FANCA: variants seen among roughly 807,000 people sequenced by gnomAD.
The protein encoded by FANCA is FA complementation group A, also known as Fanconi anemia group A protein.
FANCA carries 236 observed loss-of-function variants against 194.3 expected under a neutral mutation model. That is an observed-to-expected ratio of 1.21 (90% CI 1.09 to 1.35). The LOEUF (loss-of-function observed/expected upper bound fraction) is 1.35, where lower values mean the gene tolerates loss of function less well. FANCA is among the 40% of genes most tolerant of loss of function. FANCA has a pLI of 0.00. For missense variants in FANCA, 2,628 were observed against 1,813.9 expected (o/e 1.45, Z -8.15); for synonymous variants, 1,014 against 715.8 (o/e 1.42, Z -6.65).
At chr16:89,770,812 A>G (rs1360617657) in intron 23 of FANCA, among the ~76,000 whole-genome samples, 178 bp from the exon 24 acceptor site, 3 of 152,140 alleles carry the variant, frequency 2.0e-5, no homozygotes, top group African/African-American at 4.8e-5. Flanking sequence ...CCATTCCCCA[A>G]TCTTGGGAAT....
chr16:89,762,927 CCT>C (rs2039000764), intron 28 of FANCA: 1 of 191,434 alleles, frequency 5.2e-6, no homozygotes, highest in African/African-American at 2.4e-5. Context: ...ACGGTGAAAC[CCT>C]GTTTCTACTA....
At chr16:89,792,424 C>A (rs762109843) in intron 12 of FANCA, 47 bp downstream of exon 12, 1 of 1,571,180 alleles carries the variant, frequency 6.4e-7, no homozygotes, top group Non-Finnish European at 8.8e-7. Flanking sequence ...AGATCTTAAT[C>A]CCCCCGCCAC....
chr16:89,766,027 C>T (rs571389211), intron 27 of FANCA, among the ~76,000 whole-genome samples: 10 of 150,940 alleles, frequency 6.6e-5, no homozygotes, highest in African/African-American at 9.7e-5. Context: ...GGTGGAGTCT[C>T]GCTCTGTTGC....
At chr16:89,742,572 G>A (rs978846931) in intron 37 of FANCA, among the ~76,000 whole-genome samples, 1 of 151,306 alleles carries the variant, frequency 6.6e-6, no homozygotes, top group South Asian at 2.1e-4. Context: ...CACTTTGGGA[G>A]GCCAAGGCGG....
chr16:89,770,141 TG>T (rs1212165184), intron 25 of FANCA, 24 bp downstream of exon 25: 12 of 1,572,040 alleles, frequency 7.6e-6, no homozygotes, highest in Non-Finnish European at 1.0e-5. Context: ...CCCCCAAGGG[TG>T]GCCCCCATGA....
chr16:89,764,234 A>G (rs562441020), intron 28 of FANCA, among the ~76,000 whole-genome samples: 39 of 152,350 alleles, frequency 2.6e-4, no homozygotes, highest in Middle Eastern at 3.4e-3. Context: ...CTCAAAAAAT[A>G]TATCAGTAAA....
At chr16:89,748,512 T>A in intron 33 of FANCA, 147 bp downstream of exon 33, 1 of 735,916 alleles carries the variant, frequency 1.4e-6, no homozygotes, top group South Asian at 1.5e-5. Context: ...CTCCCTCACA[T>A]GGCATTCCAG....
At chr16:89,739,703 T>A in intron 39 of FANCA, 150 bp from the exon 40 acceptor site, 2 of 1,511,972 alleles carry the variant, frequency 1.3e-6, no homozygotes, top group East Asian at 4.9e-5. Flanking sequence ...GATACCCAGG[T>A]ACCTGTCAGC....
rs2041099874 is a variant in FANCA, at chr16:89,815,954, C to G, written c.112G>C (p.Glu38Gln). The G allele has an allele frequency of 6.2e-7, 1 of 1,613,990 alleles. No individual in the cohort carries two copies. Among genetic ancestry groups the G allele is most frequent in the South Asian group, 1.1e-5 (1 of 91,092 alleles). The change falls in exon 2 of 43, where the codon GAA becomes CAA. Residue 38 changes from glutamate (E) to glutamine (Q), a missense_variant. Glu to Gln is a conservative substitution (Grantham distance 29). Transcript: ENST00000389301. Reference sequence around the variant, plus strand: ...GATTCCTTTAATTTCTGTGCCCTTTCAGGATTATATTTTTCCCTCTTGACC... The same window carrying G: ...GATTCCTTTAATTTCTGTGCCCTTTGAGGATTATATTTTTCCCTCTTGACC... ...GRVKREKYNP[E>Q]RAQKLKESAV...
chr16:89,753,559 G>A (rs1028136637), intron 30 of FANCA, among the ~76,000 whole-genome samples: 1 of 152,164 alleles, frequency 6.6e-6, no homozygotes, highest in Non-Finnish European at 1.5e-5. Flanking sequence ...AAAAGCACTT[G>A]ACGAAATGTG....
chr16:89,796,086 C>G lies in FANCA; in HGVS notation c.894-68G>C. The G allele has an allele frequency of 2.5e-6, 3 of 1,223,214 alleles. No homozygotes were observed. In the South Asian group the frequency reaches 3.6e-5, roughly 15 times the overall value. 75.8% of individuals were successfully genotyped at this position (1,223,214 alleles called of 1,614,324 possible). On this transcript the variant is annotated intron_variant, in intron 10 of 42. Coordinates refer to ENST00000389301, the MANE Select transcript of FANCA (RefSeq NM_000135.4). The stretch of plus-strand genomic sequence containing the variant: ...CTTGCACGCCACCCACCAATCCCAG[C>G]ACAAACTGTGGCTCAGGCTCATCCC...
At chr16:89,810,216 G>T (rs1452366184) in intron 5 of FANCA, among the ~76,000 whole-genome samples, 1 of 148,902 alleles carries the variant, frequency 6.7e-6, no homozygotes. Flanking sequence ...CCAGCTACTC[G>T]GGAGGCTGAG....
chr16:89,796,068 G>A (rs763060007), intron 10 of FANCA, 50 bp from the exon 11 acceptor site: 25 of 1,370,024 alleles, frequency 1.8e-5, no homozygotes, highest in Admixed American at 5.0e-5. Flanking sequence ...TGCCTTGCAC[G>A]CCACCCACCA....
At chr16:89,740,956 T>G (rs1598058302) in intron 37 of FANCA, 90 bp from the exon 38 acceptor site, 2 of 1,195,852 alleles carry the variant, frequency 1.7e-6, no homozygotes, top group East Asian at 5.1e-5. Context: ...TTAATTGAAA[T>G]TTTTTACATC....
rs764329360 is a variant in FANCA at position 89,738,119 on chromosome 16, T to A, written c.*482A>T. Reference sequence around the variant, plus strand: ...AAGGCCCACAACCTCAATGTACACATGTCCATGGTGCACCCGCTGACACAG... The same window carrying A: ...AAGGCCCACAACCTCAATGTACACAAGTCCATGGTGCACCCGCTGACACAG... On this transcript the variant is annotated 3_prime_UTR_variant, in exon 43 of 43. Transcript: ENST00000389301. 1 of 1,613,820 alleles carries A rather than the reference T, an allele frequency of 6.2e-7. No homozygotes were observed. The highest frequency in any genetic ancestry group is 8.5e-7 in the Non-Finnish European group (1 of 1,179,994).
chr16:89,806,114 C>T (rs528021786), intron 6 of FANCA, among the ~76,000 whole-genome samples: 4 of 152,058 alleles, frequency 2.6e-5, no homozygotes, highest in Admixed American at 1.3e-4. Context: ...GGTTTCACCA[C>T]GTTGGACAGG....
chr16:89,798,256 T>G lies in FANCA; in HGVS notation c.893+910A>C, dbSNP rs769357931. 1.1e-4 allele frequency: 91 copies of G among 855,026 alleles called. No homozygotes were observed. The highest frequency in any genetic ancestry group is 1.3e-4 in the Non-Finnish European group (88 of 702,590). The allele number at this position is 855,026 out of a possible 1,614,324, so 53.0% of individuals were successfully genotyped here. A position where few individuals can be genotyped will look rare whatever the true frequency, so the allele number is the denominator to read the frequency against. ...CCCTAGGGGCACCCTGACCTCCAAC[T>G]TCCAGCCTCCACTGCTGTGAGAACA... On this transcript the variant is annotated intron_variant, in intron 10 of 42. Transcript: ENST00000389301.
At chr16:89,795,685 G>C (rs905280959) in intron 11 of FANCA, among the ~76,000 whole-genome samples, 8 of 152,160 alleles carry the variant, frequency 5.3e-5, no homozygotes, top group Non-Finnish European at 7.3e-5. Flanking sequence ...CAATTATTTT[G>C]TCCACTCATA....
chr16:89,783,443 C>G (rs1282678130), intron 15 of FANCA, among the ~76,000 whole-genome samples: 2 of 151,260 alleles, frequency 1.3e-5, no homozygotes, highest in Non-Finnish European at 1.5e-5. Flanking sequence ...CCCAGCTACT[C>G]GGGAGACTGA....
Sources: allele counts gnomAD v4.1 joint callset (sites outside exome capture counted in the v4.1 genomes callset), GRCh38; gene constraint gnomAD v4.1.1; transcripts MANE v1.5; gene names NCBI Gene and HGNC (gene_info 2026-07-23, HGNC 2026-07-21).